Variants in PALM2AKAP2 observed in about 807,000 individuals in gnomAD.
The protein encoded by PALM2AKAP2 is PALM2-AKAP2 fusion protein.
Under a neutral mutation model 71.5 loss-of-function variants are expected in PALM2AKAP2, and 37 were observed. The ratio of observed to expected loss-of-function variants is 0.52; its 90% confidence interval spans 0.40 to 0.68. The LOEUF (loss-of-function observed/expected upper bound fraction) is 0.68. Among genes scored for constraint, PALM2AKAP2 ranks in the 30% least tolerant of loss-of-function variants. The pLI, the probability that PALM2AKAP2 is intolerant of heterozygous loss-of-function variation, is 0.00. For missense variants in PALM2AKAP2, 1,224 were observed against 1,191.8 expected, an observed-to-expected ratio of 1.03 and a Z score of -0.40; for synonymous variants, 468 against 478.8, an observed-to-expected ratio of 0.98 and a Z score of 0.29.
Position 109,945,415 on chromosome 9 carries a change from G to A in PALM2AKAP2, c.496+13387G>A, listed in dbSNP as rs187690881. Reference sequence around the variant, plus strand: ...AAAGCAGCTGCAATGGAATAAAATTGCTATTTTATCGAGAAACCTGGTTTG... The same window carrying A: ...AAAGCAGCTGCAATGGAATAAAATTACTATTTTATCGAGAAACCTGGTTTG... On this transcript the variant is annotated intron_variant, in intron 6 of 9. Coordinates refer to the PALM2AKAP2 transcript ENST00000302798. 2.6e-5 allele frequency: 4 copies of A among 152,154 alleles called. No homozygotes were observed. The South Asian group carries it at 8.3e-4, about 32-fold the overall frequency. 9.4% of individuals were successfully genotyped at this position (152,154 alleles called of 1,614,324 possible).
intron 1 of PALM2AKAP2, among the ~76,000 whole-genome samples, chr9:110,088,703 GTTTTTTTTTTTTTTTT>G (rs71373964): frequency 2.5e-4 from 19 of 75,634 alleles, no homozygotes; most frequent in East Asian, 6.7e-4. Context: ...GCATTTACGT[GTTTTTTTTTTTTTTTT>G]TTTTTTTTTT....
At chr9:109,705,414 T>C (rs1828127039) in intron 1 of PALM2AKAP2, among the ~76,000 whole-genome samples, 1 of 152,180 alleles carries the variant, frequency 6.6e-6, no homozygotes, top group Non-Finnish European at 1.5e-5. Flanking sequence ...TGAAATTCTG[T>C]CTTCTCTTGG....
chr9:109,968,370 C>T (rs1391782694), intron 6 of PALM2AKAP2, among the ~76,000 whole-genome samples: 1 of 152,162 alleles, frequency 6.6e-6, no homozygotes, highest in African/African-American at 2.4e-5. Context: ...TCAACAAGAG[C>T]TATTTTGATT....
At chr9:109,674,746 G>A (rs1371957414) in intron 1 of PALM2AKAP2, among the ~76,000 whole-genome samples, 2 of 151,950 alleles carry the variant, frequency 1.3e-5, no homozygotes, top group East Asian at 3.8e-4. Flanking sequence ...TTGTTTATTT[G>A]TTTTAATCAC....
chr9:110,088,652 T>A (rs1004904949), intron 1 of PALM2AKAP2, among the ~76,000 whole-genome samples: 6 of 148,552 alleles, frequency 4.0e-5, no homozygotes, highest in African/African-American at 1.5e-4. Context: ...GCTATATAGC[T>A]GCACTCTCCA....
chr9:109,838,838 G>A (rs1828564093), intron 1 of PALM2AKAP2, among the ~76,000 whole-genome samples: 1 of 152,186 alleles, frequency 6.6e-6, no homozygotes. Context: ...CTTCCAGGAA[G>A]AAGTTGAATC....
intron 6 of PALM2AKAP2, among the ~76,000 whole-genome samples, chr9:109,999,017 G>A (rs893255321): frequency 6.6e-6 from 1 of 151,972 alleles, no homozygotes; most frequent in African/African-American, 2.4e-5. Flanking sequence ...GGGTGGGACA[G>A]CAGGGAGGAC....
chr9:110,148,571 A>T (rs1169849775), intron 2 of PALM2AKAP2: 1 of 152,172 alleles, frequency 6.6e-6, no homozygotes, highest in Non-Finnish European at 1.5e-5. Flanking sequence ...GAGGAAACGA[A>T]ATTGAAAATG....
Position 109,919,763 on chromosome 9 carries a change from G to GTATA in PALM2AKAP2, c.258-3971_258-3970insATAT, listed in dbSNP as rs1306690826. 2.0e-3 allele frequency among the ~76,000 whole-genome samples: 273 copies of GTATA among 135,776 alleles called. 1 individual carries two copies. Among genetic ancestry groups the GTATA allele is most frequent in the East Asian group, 0.01 (40 of 3,988 alleles). The allele number at this position is 135,776 out of a possible 152,430, so 89.1% of individuals were successfully genotyped here. On this transcript the variant is annotated intron_variant, in intron 3 of 9. Transcript: ENST00000302798. ...TGTGTGTGTGTGTGTGTGTGTGTGT[G>GTATA]TGTATATATGTAAAATGTATACACA...
At chr9:110,022,733 C>A (rs1188589817) in intron 7 of PALM2AKAP2, among the ~76,000 whole-genome samples, 1 of 152,010 alleles carries the variant, frequency 6.6e-6, no homozygotes, top group Admixed American at 6.6e-5. Flanking sequence ...CCCCTCTCCC[C>A]CCACCCCACA....
intron 6 of PALM2AKAP2, among the ~76,000 whole-genome samples, chr9:109,999,106 A>G (rs916316520): frequency 1.3e-5 from 2 of 152,030 alleles, no homozygotes; most frequent in African/African-American, 4.8e-5. Flanking sequence ...TGGGAGGCTG[A>G]GGTGGGTGCA....
At chr9:110,007,228 A>G (rs530510463) in intron 6 of PALM2AKAP2, among the ~76,000 whole-genome samples, 1 of 152,334 alleles carries the variant, frequency 6.6e-6, no homozygotes, top group South Asian at 2.1e-4. Context: ...GAGCCACTGA[A>G]TTAGCCACCT....
intron 1 of PALM2AKAP2, among the ~76,000 whole-genome samples, chr9:109,652,670 A>G (rs535616425): frequency 7.7e-4 from 117 of 152,332 alleles, no homozygotes; most frequent in Non-Finnish European, 1.4e-3. Flanking sequence ...ATGTTTATTT[A>G]TTAATTCATT....
intron 1 of PALM2AKAP2, among the ~76,000 whole-genome samples, chr9:109,796,273 T>C (rs1421047574): frequency 1.3e-5 from 2 of 151,530 alleles, no homozygotes; most frequent in Non-Finnish European, 2.9e-5. Context: ...TGTGCTTTGA[T>C]TGATTGATGT....
chr9:109,810,718 GT>G (rs775551889), intron 1 of PALM2AKAP2, among the ~76,000 whole-genome samples: 2 of 152,164 alleles, frequency 1.3e-5, no homozygotes, highest in Non-Finnish European at 2.9e-5. Context: ...ATGACAGTAT[GT>G]TTGAGGGCTG....
chr9:110,054,709 A>C (rs1484989500), intron 1 of PALM2AKAP2, among the ~76,000 whole-genome samples: 1 of 152,008 alleles, frequency 6.6e-6, no homozygotes. Flanking sequence ...AGTAGCTGGG[A>C]CTACAGGTGC....
intron 1 of PALM2AKAP2, among the ~76,000 whole-genome samples, chr9:109,688,778 A>T (rs1191230757): frequency 6.6e-6 from 1 of 152,242 alleles, no homozygotes; most frequent in Non-Finnish European, 1.5e-5. Context: ...AAAGGCAAAT[A>T]AATGCTTGCT....
At chr9:109,785,647 T>A (rs1488445683) in intron 1 of PALM2AKAP2, among the ~76,000 whole-genome samples, 1 of 152,178 alleles carries the variant, frequency 6.6e-6, no homozygotes, top group African/African-American at 2.4e-5. Context: ...AAACTCCCCT[T>A]TATAAAACCA....
At chr9:109,738,148 A>G (rs149642488) in intron 1 of PALM2AKAP2, among the ~76,000 whole-genome samples, 2 of 152,318 alleles carry the variant, frequency 1.3e-5, no homozygotes, top group East Asian at 3.9e-4. Flanking sequence ...TTCTTTATAT[A>G]CTCTTATGTT....
Sources: allele counts gnomAD v4.1 joint callset (sites outside exome capture counted in the v4.1 genomes callset), GRCh38; gene constraint gnomAD v4.1.1; transcripts MANE v1.5; gene names NCBI Gene and HGNC (gene_info 2026-07-23, HGNC 2026-07-21).